The following PRH1 variants were observed in gnomAD, a reference collection of about 807,000 sequenced individuals.
PRH1 encodes the protein proline rich protein HaeIII subfamily 1.
PRH1 carries 7 observed loss-of-function variants against 7.9 expected under a neutral mutation model. The ratio of observed to expected loss-of-function variants is 0.89; its 90% CI spans 0.50 to 1.67. The LOEUF (loss-of-function observed/expected upper bound fraction) is 1.67, where lower values mean the gene tolerates loss of function less well. Ranked by LOEUF, PRH1 falls within the 40% of genes most tolerant of loss-of-function variation. The pLI is 0.00. For missense variants in PRH1, 109 were observed against 223.6 expected (o/e 0.49, Z 3.27); for synonymous variants, 45 against 80.8 (o/e 0.56, Z 2.38).
chr12:11,020,597 A>G (rs1260862137), intron 1 of PRH1, among the ~76,000 whole-genome samples: 12 of 151,822 alleles, frequency 7.9e-5, no homozygotes, highest in African/African-American at 2.9e-4. Flanking sequence ...TAATTTCACC[A>G]TTTACACCAT....
intron 1 of PRH1, chr12:10,986,141 A>G: frequency 1.2e-6 from 2 of 1,614,096 alleles, no homozygotes; most frequent in African/African-American, 2.7e-5. Flanking sequence ...ATAGAAAGAA[A>G]ATGGCACATA....
intron 2 of PRH1, chr12:10,909,084 T>C (rs754913618): frequency 6.2e-7 from 1 of 1,613,580 alleles, no homozygotes. Flanking sequence ...TATGGCTAGA[T>C]AATGCAGAGC....
At chr12:11,168,576 A>G (rs1015705216) in intron 1 of PRH1, among the ~76,000 whole-genome samples, 1 of 152,142 alleles carries the variant, frequency 6.6e-6, no homozygotes, top group African/African-American at 2.4e-5. Flanking sequence ...TCAAGAATCT[A>G]ATCTTCCACA....
intron 2 of PRH1, among the ~76,000 whole-genome samples, chr12:10,893,530 TC>T (rs1266693063): frequency 6.6e-6 from 1 of 152,174 alleles, no homozygotes; most frequent in African/African-American, 2.4e-5. Flanking sequence ...TTATTAAATG[TC>T]CCCTAGGGGG....
chr12:11,022,357 T>C (rs1396668792), intron 1 of PRH1: 1 of 1,614,126 alleles, frequency 6.2e-7, no homozygotes, highest in South Asian at 1.1e-5. Context: ...TAAAGCAGAA[T>C]TAAACACAGT....
At chr12:11,106,482 CTTAA>C (rs1206009400) in intron 1 of PRH1, among the ~76,000 whole-genome samples, 17 of 152,202 alleles carry the variant, frequency 1.1e-4, no homozygotes, top group African/African-American at 3.9e-4. Flanking sequence ...CTTGAGTTTA[CTTAA>C]TTGTTAAATA....
rs999895381 is a variant in PRH1 at position 10,884,208 on chromosome 12, T to G, written c.10A>C (p.Ile4Leu). 5 of 1,614,192 alleles carry G rather than the reference T, an allele frequency of 3.1e-6. No individual in the cohort carries two copies. The highest frequency in any genetic ancestry group is 1.7e-5 in the Admixed American group (1 of 60,022). ...GCCAGCAGGGCCACTGACAGCAGAA[T>G]CAGAAGCATCTTGCAGGAGGCTCTG... MLLILLSVALLAFS... is the reference protein window; with the variant it reads MLLLLLSVALLAFS... Residue 4 changes from isoleucine to leucine, a missense_variant, in exon 1 of 4, where the codon ATT becomes CTT. Coordinates refer to ENST00000543626, the MANE Select transcript of PRH1 (RefSeq NM_001393989.1).
chr12:11,072,600 G>A (rs1435192719), intron 1 of PRH1, among the ~76,000 whole-genome samples: 1 of 152,222 alleles, frequency 6.6e-6, no homozygotes, highest in African/African-American at 2.4e-5. Flanking sequence ...GGGGATGGTA[G>A]TCTTTTTACA....
At chr12:11,121,976 T>C (rs1945922102) in intron 1 of PRH1, among the ~76,000 whole-genome samples, 2 of 152,244 alleles carry the variant, frequency 1.3e-5, no homozygotes, top group Non-Finnish European at 2.9e-5. Context: ...ATTCTTCAAA[T>C]GAAATATCAT....
intron 1 of PRH1, among the ~76,000 whole-genome samples, chr12:11,102,606 C>T (rs1179861218): frequency 6.6e-6 from 1 of 152,156 alleles, no homozygotes; most frequent in African/African-American, 2.4e-5. Flanking sequence ...TAAACCTAGG[C>T]AATACCATTC....
intron 1 of PRH1, among the ~76,000 whole-genome samples, chr12:11,144,407 G>A (rs1946803578): frequency 6.6e-6 from 1 of 152,130 alleles, no homozygotes; most frequent in African/African-American, 2.4e-5. Flanking sequence ...CAGCAACCAT[G>A]CAAACTGAAG....
At chr12:11,016,958 T>C (rs1941325345) in intron 1 of PRH1, among the ~76,000 whole-genome samples, 1 of 152,220 alleles carries the variant, frequency 6.6e-6, no homozygotes, top group African/African-American at 2.4e-5. Context: ...TCTTTTTATA[T>C]GCCTATCCAC....
At chr12:10,913,454 C>A (rs369441653) in intron 2 of PRH1, among the ~76,000 whole-genome samples, 14 of 146,272 alleles carry the variant, frequency 9.6e-5, no homozygotes, top group Admixed American at 1.4e-4. Context: ...GACTCCGTCT[C>A]AAAAAAAAAA....
chr12:11,022,849 A>G (rs889375994), intron 1 of PRH1, among the ~76,000 whole-genome samples: 1 of 128,854 alleles, frequency 7.8e-6, no homozygotes, highest in African/African-American at 2.7e-5. Context: ...ACTTTTTTAT[A>G]CTGAGGTTGA....
intron 1 of PRH1, among the ~76,000 whole-genome samples, chr12:11,163,398 G>GATTTAA (rs1473914712): frequency 5.3e-5 from 8 of 152,136 alleles, no homozygotes; most frequent in Non-Finnish European, 1.2e-4. Flanking sequence ...TCTGATGGAT[G>GATTTAA]ATTTAACTAA....
At chr12:10,975,066 A>G (rs1243079983) in intron 1 of PRH1, among the ~76,000 whole-genome samples, 1 of 152,190 alleles carries the variant, frequency 6.6e-6, no homozygotes, top group Admixed American at 6.5e-5. Context: ...AACCAAACTG[A>G]TCTGACTGAA....
intron 2 of PRH1, among the ~76,000 whole-genome samples, chr12:10,906,762 G>A (rs1395699421): frequency 1.3e-5 from 2 of 152,176 alleles, no homozygotes; most frequent in East Asian, 3.8e-4. Flanking sequence ...TTCCAGCCAT[G>A]TGGAACTGTC....
chr12:10,932,731 A>C (rs1950231984), intron 2 of PRH1, among the ~76,000 whole-genome samples: 1 of 152,154 alleles, frequency 6.6e-6, no homozygotes, highest in Non-Finnish European at 1.5e-5. Context: ...ATCACTGATC[A>C]GTTCTGTCCC....
chr12:11,078,296 A>T (rs77224719), intron 1 of PRH1: 56,801 of 186,746 alleles, frequency 0.3, 8,496 homozygotes, highest in Admixed American at 0.35. Context: ...TGGTTCTGAT[A>T]CCCTTAATAT....
Sources: allele counts gnomAD v4.1 joint callset (sites outside exome capture counted in the v4.1 genomes callset), GRCh38; gene constraint gnomAD v4.1.1; transcripts MANE v1.5; gene names NCBI Gene and HGNC (gene_info 2026-07-23, HGNC 2026-07-21).